CHN1: variants seen among roughly 807,000 people sequenced by gnomAD.
CHN1 encodes the protein chimerin 1.
In CHN1, 37 loss-of-function variants were observed where a neutral mutation model predicts 59.5. That is an observed-to-expected ratio of 0.62 (90% CI 0.48 to 0.82). The LOEUF (loss-of-function observed/expected upper bound fraction) is 0.82, where lower values mean the gene tolerates loss of function less well. CHN1 is among the 40% of genes least tolerant of loss of function. CHN1 has a pLI of 0.00. For missense variants in CHN1, 469 were observed against 571.0 expected (o/e 0.82, Z 1.82); for synonymous variants, 206 against 200.4 (o/e 1.03, Z -0.24).
chr2:174,924,531 T>C (rs1013660112), intron 3 of CHN1, among the ~76,000 whole-genome samples: 1 of 152,190 alleles, frequency 6.6e-6, no homozygotes, highest in African/African-American at 2.4e-5. Flanking sequence ...CTTTTGTCAG[T>C]ATAGTCCAAA....
intron 5 of CHN1, among the ~76,000 whole-genome samples, chr2:174,902,808 A>G (rs1043437455): frequency 1.3e-5 from 2 of 152,276 alleles, no homozygotes; most frequent in Non-Finnish European, 2.9e-5. Context: ...CAATTTTCAT[A>G]TTTTAAAACT....
intron 6 of CHN1, among the ~76,000 whole-genome samples, chr2:174,873,018 T>TA (rs757510988): frequency 8.7e-6 from 1 of 114,718 alleles, no homozygotes; most frequent in African/African-American, 3.7e-5. Flanking sequence ...GACTAATATA[T>TA]ACTTTTTTTT....
intron 3 of CHN1, among the ~76,000 whole-genome samples, chr2:174,931,597 G>C (rs1689349811): frequency 6.6e-6 from 1 of 152,174 alleles, no homozygotes; most frequent in Admixed American, 6.5e-5. Context: ...TACCTGCATA[G>C]AGCTTCTATT....
chr2:174,950,590 T>G (rs955224598), intron 2 of CHN1, among the ~76,000 whole-genome samples: 2 of 151,998 alleles, frequency 1.3e-5, no homozygotes, highest in African/African-American at 4.8e-5. Context: ...ATGCGAGATA[T>G]GTGAAGCTAC....
At chr2:174,810,607 T>C (rs1685039749) in intron 10 of CHN1, among the ~76,000 whole-genome samples, 1 of 152,236 alleles carries the variant, frequency 6.6e-6, no homozygotes, top group African/African-American at 2.4e-5. Context: ...TCAGGACTGC[T>C]CTTCCTGATG....
At chr2:174,900,408 GCAGGAGGATCACTT>G (rs1483669355) in intron 5 of CHN1, among the ~76,000 whole-genome samples, 2 of 152,168 alleles carry the variant, frequency 1.3e-5, no homozygotes, top group African/African-American at 4.8e-5. Context: ...GGAGGCTGAG[GCAGGAGGATCACTT>G]CAGCTGAGGA....
intron 6 of CHN1, among the ~76,000 whole-genome samples, chr2:174,873,382 G>GA (rs775029818): frequency 3.4e-4 from 52 of 152,320 alleles, no homozygotes; most frequent in Admixed American, 1.7e-3. Context: ...ACAAAATTAA[G>GA]AAATCAACAG....
At chr2:174,881,186 A>G (rs1687722149) in intron 5 of CHN1, among the ~76,000 whole-genome samples, 1 of 152,130 alleles carries the variant, frequency 6.6e-6, no homozygotes, top group African/African-American at 2.4e-5. Flanking sequence ...ATACCATAAA[A>G]CCAAGAAACT....
chr2:174,955,400 G>A lies in CHN1; in HGVS notation c.20-3198C>T, dbSNP rs570774445. ...GTAACTCAGGAATGGAAAACCAAAC[G>A]TCATATGTTCTCACTTACAGGAGGG... is the stretch of plus-strand genomic sequence containing the variant. On this transcript the variant is annotated intron_variant, in intron 1 of 12. Coordinates refer to ENST00000409900, the MANE Select transcript of CHN1 (RefSeq NM_001822.7). Among the ~76,000 whole-genome samples, 342 of 151,854 alleles carry A rather than the reference G, an allele frequency of 2.3e-3. 2 individuals carry two copies. The highest frequency in any genetic ancestry group is 7.9e-3 in the African/African-American group (328 of 41,432).
At chr2:174,845,366 T>G (rs1686472948) in intron 7 of CHN1, among the ~76,000 whole-genome samples, 1 of 152,120 alleles carries the variant, frequency 6.6e-6, no homozygotes, top group South Asian at 2.1e-4. Context: ...AACTTCATAT[T>G]GGCAAAAGGA....
chr2:174,933,700 G>C (rs1490942545), intron 3 of CHN1, among the ~76,000 whole-genome samples: 2 of 152,186 alleles, frequency 1.3e-5, no homozygotes, highest in Non-Finnish European at 2.9e-5. Flanking sequence ...AGAAATAATA[G>C]GATATTTGTG....
At chr2:174,983,817 G>A (rs1266779799) in intron 1 of CHN1, among the ~76,000 whole-genome samples, 2 of 152,056 alleles carry the variant, frequency 1.3e-5, no homozygotes, top group Non-Finnish European at 2.9e-5. Flanking sequence ...AACAGAGCAA[G>A]ACTCCGTCTT....
chr2:174,861,471 A>T (rs1687065619), intron 6 of CHN1, among the ~76,000 whole-genome samples: 1 of 152,148 alleles, frequency 6.6e-6, no homozygotes, highest in Non-Finnish European at 1.5e-5. Flanking sequence ...AATTCTTCAG[A>T]CTCATAGACG....
At chr2:174,990,239 G>C (rs1044505685) in intron 1 of CHN1, among the ~76,000 whole-genome samples, 2 of 91,496 alleles carry the variant, frequency 2.2e-5, no homozygotes, top group African/African-American at 3.6e-5. Flanking sequence ...GTGTCTGTGT[G>C]TGTGTGTGTG....
rs1421373006 is a variant in CHN1, at chr2:174,851,312, C to T, written c.550-4355G>A. Reference sequence around the variant, plus strand: ...TCCTTTTTTTTGAGACAAGGTCTCACTCTATTGCCCAGACTGGAGTGCAGT... The same window carrying T: ...TCCTTTTTTTTGAGACAAGGTCTCATTCTATTGCCCAGACTGGAGTGCAGT... On this transcript the variant is annotated intron_variant, in intron 6 of 12. Coordinates refer to ENST00000409900, the MANE Select transcript of CHN1 (RefSeq NM_001822.7). 3.3e-5 allele frequency among the ~76,000 whole-genome samples: 5 copies of T among 152,134 alleles called. No individual in the cohort carries two copies. In the East Asian group the frequency reaches 5.8e-4, roughly 18 times the overall value.
rs893452669 is a variant in CHN1, at chr2:174,842,291, A to G, written c.627+4589T>C. ...GGATAATATGAAAGAGGTGATAGAC[A>G]CTGTTTCTGAATACGACATTTCACT... On this transcript the variant is annotated intron_variant, in intron 7 of 12. Coordinates refer to ENST00000409900, the MANE Select transcript of CHN1 (RefSeq NM_001822.7). Among the ~76,000 whole-genome samples, 3 of 152,162 alleles carry G rather than the reference A, an allele frequency of 2.0e-5. No individual in the cohort carries two copies. In the East Asian group the frequency reaches 5.8e-4, roughly 29 times the overall value.
At chr2:174,960,683 G>A (rs1036341222) in intron 1 of CHN1, among the ~76,000 whole-genome samples, 1 of 152,058 alleles carries the variant, frequency 6.6e-6, no homozygotes, top group Non-Finnish European at 1.5e-5. Context: ...TCAGCCAGGC[G>A]TGGTGGTGCA....
At chr2:174,833,324 C>T (rs928843442) in intron 7 of CHN1, among the ~76,000 whole-genome samples, 3 of 151,976 alleles carry the variant, frequency 2.0e-5, no homozygotes, top group Non-Finnish European at 4.4e-5. Context: ...AATAATATTC[C>T]TTGTTCAAAA....
At chr2:174,815,684 A>G (rs1459747323) in intron 8 of CHN1, among the ~76,000 whole-genome samples, 5 of 150,570 alleles carry the variant, frequency 3.3e-5, no homozygotes, top group Non-Finnish European at 7.4e-5. Flanking sequence ...TAATTACAAC[A>G]TCTGTGTCAT....
Sources: gnomAD v4.1 joint callset for allele counts (sites outside exome capture counted in the v4.1 genomes callset) on GRCh38, gnomAD v4.1.1 for gene constraint, MANE v1.5 for transcripts, NCBI Gene and HGNC (gene_info 2026-07-23, HGNC 2026-07-21) for gene names.